Variants in PRDM5 observed in about 807,000 individuals in gnomAD.
PRDM5 encodes PR domain zinc finger protein 5.
Under a neutral mutation model 81.2 loss-of-function variants are expected in PRDM5, and 56 were observed. The ratio of observed to expected loss-of-function variants is 0.69; its 90% CI spans 0.56 to 0.86. The LOEUF is 0.86. PRDM5 is among the 40% of genes least tolerant of loss of function. PRDM5 has a pLI of 0.00. For synonymous variants in PRDM5, 267 were observed against 256.4 expected (o/e 1.04, Z -0.39); for missense variants, 697 against 770.1 (o/e 0.91, Z 1.12).
At chr4:120,788,979 G>A (rs899325230) in intron 10 of PRDM5, among the ~76,000 whole-genome samples, 3 of 152,190 alleles carry the variant, frequency 2.0e-5, no homozygotes, top group Non-Finnish European at 4.4e-5. Context: ...AGTATCAGAT[G>A]AAATCAAGCT....
At chr4:120,796,306 C>T (rs1340427584) in intron 10 of PRDM5, among the ~76,000 whole-genome samples, 2 of 152,142 alleles carry the variant, frequency 1.3e-5, no homozygotes, top group South Asian at 2.1e-4. Context: ...GTAAGAAATA[C>T]ATTTGTCTAG....
intron 15 of PRDM5, among the ~76,000 whole-genome samples, chr4:120,697,103 C>T (rs766391569): frequency 6.6e-6 from 1 of 151,904 alleles, no homozygotes; most frequent in Admixed American, 6.6e-5. Flanking sequence ...TATTAAGTAC[C>T]CTTATTAAAA....
At chr4:120,839,936 C>T (rs1175378650) in intron 3 of PRDM5, among the ~76,000 whole-genome samples, 1 of 152,240 alleles carries the variant, frequency 6.6e-6, no homozygotes, top group East Asian at 1.9e-4. Flanking sequence ...CAGGTGTATG[C>T]ACCCCCAGCC....
intron 2 of PRDM5, among the ~76,000 whole-genome samples, chr4:120,887,422 T>G: frequency 6.6e-6 from 1 of 152,104 alleles, no homozygotes; most frequent in East Asian, 1.9e-4. Flanking sequence ...CCTGCTCCAC[T>G]CTTGCCTCTC....
chr4:120,698,540 T>C (rs1339191238), intron 15 of PRDM5, among the ~76,000 whole-genome samples: 1 of 152,174 alleles, frequency 6.6e-6, no homozygotes, highest in Non-Finnish European at 1.5e-5. Context: ...TTACCACATA[T>C]ATGGAGATCA....
intron 11 of PRDM5, 38 bp downstream of exon 11, chr4:120,784,960 A>C: frequency 1.4e-6 from 2 of 1,475,636 alleles, no homozygotes; most frequent in Non-Finnish European, 1.9e-6. Flanking sequence ...AGTATGAGAT[A>C]ATTCCTTATA....
intron 1 of PRDM5, among the ~76,000 whole-genome samples, chr4:120,910,003 CA>C (rs545791313): frequency 6.6e-6 from 1 of 150,600 alleles, no homozygotes; most frequent in African/African-American, 2.4e-5. Context: ...AAAGAAAAGA[CA>C]AAAAAAACCC....
At chr4:120,750,885 AAT>A (rs1369252680) in intron 14 of PRDM5, among the ~76,000 whole-genome samples, 5 of 152,240 alleles carry the variant, frequency 3.3e-5, no homozygotes, top group South Asian at 2.1e-4. Context: ...AATTACAATT[AAT>A]ATGTCAAAGA....
intron 3 of PRDM5, among the ~76,000 whole-genome samples, chr4:120,850,610 GTCATTGCTCTGCACC>G (rs1469478249): frequency 7.9e-5 from 12 of 152,140 alleles, no homozygotes; most frequent in Non-Finnish European, 1.2e-4. Context: ...GAAAGCCACT[GTCATTGCTCTGCACC>G]AAAAGCCTCT....
chr4:120,760,717 A>G (rs1745482257), intron 13 of PRDM5, among the ~76,000 whole-genome samples: 1 of 152,090 alleles, frequency 6.6e-6, no homozygotes, highest in Non-Finnish European at 1.5e-5. Flanking sequence ...TGGATACTCC[A>G]TGAAGCTAAT....
intron 2 of PRDM5, among the ~76,000 whole-genome samples, chr4:120,872,132 C>G (rs1761866175): frequency 1.2e-5 from 1 of 81,304 alleles, no homozygotes; most frequent in Non-Finnish European, 2.4e-5. Flanking sequence ...GCCTGGGCGA[C>G]AGAGCAAGAC....
chr4:120,771,298 G>A (rs942672413), intron 13 of PRDM5, among the ~76,000 whole-genome samples: 1 of 152,038 alleles, frequency 6.6e-6, no homozygotes, highest in African/African-American at 2.4e-5. Flanking sequence ...AATATTAAAA[G>A]CCTAGGATAA....
At chr4:120,767,571 T>C (rs1269585730) in intron 13 of PRDM5, among the ~76,000 whole-genome samples, 4 of 152,224 alleles carry the variant, frequency 2.6e-5, no homozygotes, top group African/African-American at 9.6e-5. Context: ...TCTCATCACA[T>C]TGCAGTATAT....
chr4:120,756,893 C>A (rs843557), intron 13 of PRDM5, among the ~76,000 whole-genome samples: 1 of 151,860 alleles, frequency 6.6e-6, no homozygotes, highest in African/African-American at 2.4e-5. Flanking sequence ...TTTACACTTA[C>A]GTAAAATTAT....
In PRDM5 at chr4:120,694,949, T is replaced by C. The variant is rs1734348278; in HGVS notation, c.*162A>G. ...CATTTCTTGTTAAAAGTAAGACTTTTTTTTGGTTGCATATGCATCTACAGA... is the reference window on the plus strand; with the variant it reads ...CATTTCTTGTTAAAAGTAAGACTTTCTTTTGGTTGCATATGCATCTACAGA... On this transcript the variant is annotated 3_prime_UTR_variant, in exon 16 of 16. Transcript: ENST00000264808. 5 of 765,012 alleles carry C rather than the reference T, an allele frequency of 6.5e-6. No homozygotes were observed. The highest frequency in any genetic ancestry group is 1.1e-5 in the Non-Finnish European group (5 of 468,856). The allele number at this position is 765,012 out of a possible 1,614,324, so 47.4% of individuals were successfully genotyped here. A position where few individuals can be genotyped will look rare whatever the true frequency, so the allele number is the denominator to read the frequency against.
rs183717914 is a variant in PRDM5 at position 120,887,223 on chromosome 4, C to T, written c.177+20251G>A. The stretch of plus-strand genomic sequence containing the variant: ...CCTCTCAAAGTGCTGGGATTACAGG[C>T]GTGAGCCACTGCGCCTGGCTGACTC... On this transcript the variant is annotated intron_variant, in intron 2 of 15. Coordinates refer to ENST00000264808, the MANE Select transcript of PRDM5 (RefSeq NM_018699.4). 3.0e-3 allele frequency among the ~76,000 whole-genome samples: 464 copies of T among 152,266 alleles called. 1 individual carries two copies. Among genetic ancestry groups the T allele is most frequent in the South Asian group, 5.8e-3 (28 of 4,818 alleles).
intron 4 of PRDM5, among the ~76,000 whole-genome samples, chr4:120,820,105 G>A (rs971131237): frequency 2.6e-5 from 4 of 152,218 alleles, no homozygotes; most frequent in African/African-American, 4.8e-5. Flanking sequence ...AAATTCATAC[G>A]TTGAAACTGA....
chr4:120,829,739 G>A (rs796126616), intron 3 of PRDM5, among the ~76,000 whole-genome samples: 9 of 152,126 alleles, frequency 5.9e-5, no homozygotes, highest in African/African-American at 1.7e-4. Flanking sequence ...ATATTGAAAA[G>A]GTAGTAAATT....
intron 3 of PRDM5, among the ~76,000 whole-genome samples, chr4:120,846,865 G>A (rs189431092): frequency 3.9e-4 from 60 of 152,228 alleles, no homozygotes; most frequent in South Asian, 6.2e-4. Flanking sequence ...GGCCTGGTAC[G>A]TAGCAGATGC....
Sources: allele counts gnomAD v4.1 joint callset (sites outside exome capture counted in the v4.1 genomes callset), GRCh38; gene constraint gnomAD v4.1.1; transcripts MANE v1.5; gene names NCBI Gene and HGNC (gene_info 2026-07-23, HGNC 2026-07-21).